Variants in GCN1 observed in about 807,000 individuals in gnomAD.
GCN1 encodes the protein GCN1 activator of EIF2AK4, also known as stalled ribosome sensor GCN1.
Under a neutral mutation model 288.4 loss-of-function variants are expected in GCN1, and 90 were observed. The ratio of observed to expected loss-of-function variants is 0.31; its 90% CI spans 0.26 to 0.37. GCN1 has a LOEUF of 0.37. Ranked by LOEUF, GCN1 falls within the 10% of genes least tolerant of loss-of-function variation. The pLI, the probability that GCN1 is intolerant of heterozygous loss-of-function variation, is 1.00. For missense variants in GCN1, 2,586 were observed against 3,419.9 expected (o/e 0.76, Z 6.08); for synonymous variants, 1,386 against 1,420.2 (o/e 0.98, Z 0.54).
chr12:120,176,088 G>A lies in GCN1; in HGVS notation c.913+55C>T, dbSNP rs945808874. On this transcript the variant is annotated intron_variant, in intron 10 of 57. Coordinates refer to ENST00000300648, the MANE Select transcript of GCN1 (RefSeq NM_006836.2). ...ACCCCTGCTACAACAATTAGGACAA[G>A]TACAACCAAACCCAAGGTGACACTT... The A allele has an allele frequency of 4.3e-6, 6 of 1,403,706 alleles. No individual in the cohort carries two copies. In the Admixed American group the frequency reaches 5.0e-5, roughly 12 times the overall value. The allele number at this position is 1,403,706 out of a possible 1,614,324, so 87.0% of individuals were successfully genotyped here.
rs1878569567 is a variant in GCN1, at chr12:120,179,096, C to A, written c.427-146G>T. 4.6e-6 allele frequency: 3 copies of A among 650,254 alleles called. No homozygotes were observed. In the Admixed American group the frequency reaches 7.3e-5, roughly 16 times the overall value. 40.3% of individuals were successfully genotyped at this position (650,254 alleles called of 1,614,324 possible). ...CTCTCCCACTCAACTCCAGCCAGCT[C>A]CTCTTCCCTCCACCCCACACATTTA... On this transcript the variant is annotated intron_variant, in intron 5 of 57. Coordinates refer to ENST00000300648, the MANE Select transcript of GCN1 (RefSeq NM_006836.2).
Position 120,129,420 on chromosome 12 carries a change from C to T in GCN1, c.7746G>A (p.Leu2582=), listed in dbSNP as rs758086394. ...TGATGGCCTGGGGGTCCAGGGGAGGCAGTGGGTCCTTATTTGCCCACCAGA... is the reference window on the plus strand; with the variant it reads ...TGATGGCCTGGGGGTCCAGGGGAGGTAGTGGGTCCTTATTTGCCCACCAGA... ...KMIWWANKDP[L]PPLDPQAIKP... The change falls in exon 57 of 58, where the codon CTG becomes CTA. Residue 2582 remains leucine (L), a synonymous_variant. Coordinates refer to ENST00000300648, the MANE Select transcript of GCN1 (RefSeq NM_006836.2). 5.6e-6 allele frequency: 9 copies of T among 1,613,950 alleles called. No individual in the cohort carries two copies. Among genetic ancestry groups the T allele is most frequent in the Non-Finnish European group, 1.7e-6 (2 of 1,179,812 alleles).
chr12:120,188,018 A>C (rs2139145640), intron 2 of GCN1, among the ~76,000 whole-genome samples: 1 of 152,326 alleles, frequency 6.6e-6, no homozygotes, highest in African/African-American at 2.4e-5. Context: ...ATTTCCCAAA[A>C]TGTGTTCCCC....
At position 120,127,807 on chromosome 12, in the gene GCN1, G is replaced by A. The variant is rs768533192; in HGVS notation, c.*42C>T. The A allele has an allele frequency of 6.3e-7, 1 of 1,595,916 alleles. No homozygotes were observed. The highest frequency in any genetic ancestry group is 1.7e-5 in the Admixed American group (1 of 57,732). ...GTATTTTCAAAAATGAAAACATTGA[G>A]CAAAGATGTGGAGCGGCAATGCTGC... On this transcript the variant is annotated 3_prime_UTR_variant, in exon 58 of 58. Coordinates refer to ENST00000300648, the MANE Select transcript of GCN1 (RefSeq NM_006836.2).
rs761050908 is a variant in GCN1, at chr12:120,137,339, A to G, written c.6664-20T>C. On this transcript the variant is annotated intron_variant, in intron 49 of 57. Transcript: ENST00000300648. The surrounding 1 kb of genome is among the most constrained non-coding windows in gnomAD (Gnocchi z 5.2). ...CAGCTTCTGCAGGAATCCAGGAAAA[A>G]GCGAGAGGATGTACAGCCCTCTCAA... 6.3e-7 allele frequency: 1 copy of G among 1,593,504 alleles called. No homozygotes were observed. Among genetic ancestry groups the G allele is most frequent in the East Asian group, 2.2e-5 (1 of 44,768 alleles).
rs146789312 is a variant in GCN1 at position 120,172,908 on chromosome 12, G to A, written c.1366+745C>T. Among the ~76,000 whole-genome samples, 1,008 of 152,200 alleles carry A rather than the reference G, an allele frequency of 6.6e-3. 24 individuals carry two copies. The highest frequency in any genetic ancestry group is 0.023 in the African/African-American group (960 of 41,548). On this transcript the variant is annotated intron_variant, in intron 14 of 57. Transcript: ENST00000300648. ...AATCAGTAATAGAGGTTTATAGCTT[G>A]GAGACCAAGCTCCTATACAGATTTG...
chr12:120,169,209 G>GGA (rs1878230472), intron 15 of GCN1, among the ~76,000 whole-genome samples: 1 of 148,958 alleles, frequency 6.7e-6, no homozygotes, highest in South Asian at 2.1e-4. Context: ...GGCAGGAGGC[G>GGA]GAGCTTGCAG....
intron 12 of GCN1, 21 bp downstream of exon 12, chr12:120,175,126 CAAAAAAAAAAAAAAA>C (rs58560211): frequency 1.9e-6 from 2 of 1,062,102 alleles, no homozygotes. Context: ...GACTTTCTCT[CAAAAAAAAAAAAAAA>C]AAAAAAAAGA....
rs1355054069 is a variant in GCN1 at position 120,127,952 on chromosome 12, A to G, written c.7913T>C (p.Val2638Ala). The change falls in exon 58 of 58, where the codon GTG becomes GCG. Residue 2638 changes from valine to alanine, a missense_variant. Transcript: ENST00000300648. ...VFQSLSKILD[V>A]ASLEVLNEVN... ...CTCGTTCAGCACCTCCAAACTGGCC[A>G]CATCCAGGATCTTGGAGAGGGACTG... The G allele has an allele frequency of 6.8e-6, 11 of 1,613,988 alleles. No homozygotes were observed. Among genetic ancestry groups the G allele is most frequent in the African/African-American group, 4.0e-5 (3 of 74,920 alleles).
intron 55 of GCN1, 125 bp from the exon 56 acceptor site, chr12:120,130,878 T>A (rs1876795606): frequency 4.7e-6 from 3 of 634,920 alleles, no homozygotes; most frequent in South Asian, 1.9e-5. Flanking sequence ...CCTTACACCA[T>A]GACAGCTCTC....
chr12:120,156,918 G>T lies in GCN1; in HGVS notation c.3162C>A (p.Arg1054=). Reference sequence around the variant, plus strand: ...CAACTGAAAACCACATCACCTGTAAGCGAGGCGAGCCCGTCCCGATCACCC... The same window carrying T: ...CAACTGAAAACCACATCACCTGTAATCGAGGCGAGCCCGTCCCGATCACCC... ...LTWVIGTGSP[R]LQVLASDTLT... is the part of the protein sequence containing the mutation. The change falls in exon 27 of 58, where the codon CGC becomes CGA. Residue 1054 remains arginine (R), a synonymous_variant. Coordinates refer to ENST00000300648, the MANE Select transcript of GCN1 (RefSeq NM_006836.2). This position sits in a 1 kb window ranked among gnomAD's most constrained non-coding sequence, Gnocchi z 5.8. 6.2e-7 allele frequency: 1 copy of T among 1,607,178 alleles called. No individual in the cohort carries two copies. Among genetic ancestry groups the T allele is most frequent in the Non-Finnish European group, 8.5e-7 (1 of 1,173,788 alleles).
At chr12:120,172,497 G>C (rs1878343304) in intron 14 of GCN1, among the ~76,000 whole-genome samples, 1 of 152,268 alleles carries the variant, frequency 6.6e-6, no homozygotes, top group South Asian at 2.1e-4. Context: ...AGGAGGCCCT[G>C]GAATCTCCTA....
At chr12:120,191,356 A>G (rs949637434) in intron 1 of GCN1, among the ~76,000 whole-genome samples, 1 of 152,254 alleles carries the variant, frequency 6.6e-6, no homozygotes, top group Non-Finnish European at 1.5e-5. Context: ...GGACATAAGC[A>G]TAAGACCCAG....
chr12:120,149,630 C>T lies in GCN1; in HGVS notation c.4522G>A (p.Glu1508Lys). Residue 1508 changes from glutamate to lysine, a missense_variant, in exon 36 of 58, where the codon GAG becomes AAG. Coordinates refer to ENST00000300648, the MANE Select transcript of GCN1 (RefSeq NM_006836.2). Reference protein sequence around the residue: ...VLPSLLAALEEESWRTKAGSV... With the variant: ...VLPSLLAALEKESWRTKAGSV... ...CCAGCTTTGGTCCGCCACGATTCCT[C>T]CTCCAGGGCAGCCAGTAAGGAGGGG... 1 of 1,613,674 alleles carries T rather than the reference C, an allele frequency of 6.2e-7. No homozygotes were observed. Among genetic ancestry groups the T allele is most frequent in the East Asian group, 2.2e-5 (1 of 44,884 alleles).
At chr12:120,173,121 G>A (rs1027630101) in intron 14 of GCN1, among the ~76,000 whole-genome samples, 9 of 147,940 alleles carry the variant, frequency 6.1e-5, no homozygotes, top group East Asian at 2.0e-4. Flanking sequence ...GTACAATGGC[G>A]CAATCTCGGC....
chr12:120,148,529 G>T (rs1280594034), intron 36 of GCN1, among the ~76,000 whole-genome samples, 183 bp from the exon 37 acceptor site: 2 of 152,222 alleles, frequency 1.3e-5, no homozygotes, highest in African/African-American at 4.8e-5. Flanking sequence ...CTTGTGGCCT[G>T]CTGAACAGTG....
chr12:120,128,338 C>CT (rs111527973), intron 57 of GCN1, among the ~76,000 whole-genome samples: 177 of 141,324 alleles, frequency 1.3e-3, no homozygotes, highest in East Asian at 5.7e-3. Flanking sequence ...AGCTTTTGGG[C>CT]TTTTTTTTTT....
chr12:120,138,297 GGT>G (rs763836119), intron 47 of GCN1, 24 bp downstream of exon 47: 2 of 1,367,488 alleles, frequency 1.5e-6, no homozygotes, highest in African/African-American at 1.4e-5. Context: ...GGAGCCAGAG[GGT>G]GTTGACCACA....
At position 120,161,475 on chromosome 12, in the gene GCN1, C is replaced by G; in HGVS notation, c.2436+15G>C. 1.3e-6 allele frequency: 2 copies of G among 1,576,392 alleles called. No homozygotes were observed. The highest frequency in any genetic ancestry group is 8.7e-7 in the Non-Finnish European group (1 of 1,145,678). ...GCTCAGCAGCCACCTTCCGTAAGTG[C>G]CTCCGTGTACTCACCTCCTTCAGCT... On this transcript the variant is annotated intron_variant, in intron 22 of 57. Coordinates refer to ENST00000300648, the MANE Select transcript of GCN1 (RefSeq NM_006836.2).
Sources: gnomAD v4.1 joint callset for allele counts (sites outside exome capture counted in the v4.1 genomes callset) on GRCh38, gnomAD v4.1.1 for gene constraint, Gnocchi (gnomAD v3.1) non-coding constraint, MANE v1.5 for transcripts, NCBI Gene and HGNC (gene_info 2026-07-23, HGNC 2026-07-21) for gene names.